Variants in CELF4 observed in about 807,000 individuals in gnomAD.
The protein encoded by CELF4 is CUG-BP- and ETR-3-like factor 4.
In CELF4, 18 loss-of-function variants were observed where a neutral mutation model predicts 59.9. That is an observed-to-expected ratio of 0.30 (90% CI 0.21 to 0.45). The LOEUF (loss-of-function observed/expected upper bound fraction) is 0.45. CELF4 is among the 20% of genes least tolerant of loss of function. The pLI is 1.00. For missense variants in CELF4, 456 were observed against 689.0 expected (o/e 0.66, Z 3.79); for synonymous variants, 261 against 267.1 (o/e 0.98, Z 0.22).
chr18:37,255,988 C>CA (rs57932389), intron 11 of CELF4, among the ~76,000 whole-genome samples: 6,090 of 152,318 alleles, frequency 0.04, 174 homozygotes, highest in East Asian at 0.11. Context: ...AGTTGAGAAG[C>CA]AGTCCAGGGT....
intron 1 of CELF4, among the ~76,000 whole-genome samples, chr18:37,537,264 G>A (rs2154605300): frequency 6.6e-6 from 1 of 152,288 alleles, no homozygotes; most frequent in South Asian, 2.1e-4. Context: ...AGAGCAGGAA[G>A]AAGAAAAATC....
chr18:37,548,441 G>T (rs976398757), intron 1 of CELF4, among the ~76,000 whole-genome samples: 3 of 152,082 alleles, frequency 2.0e-5, no homozygotes, highest in African/African-American at 7.2e-5. Context: ...TTTGTCACGA[G>T]GATGTAATGA....
At chr18:37,527,442 G>T (rs1272928172) in intron 1 of CELF4, among the ~76,000 whole-genome samples, 1 of 152,150 alleles carries the variant, frequency 6.6e-6, no homozygotes, top group Non-Finnish European at 1.5e-5. Context: ...TTTCCAAGAA[G>T]TTGGGGTAAT....
chr18:37,270,720 A>G (rs2090752471), intron 8 of CELF4, 48 bp downstream of exon 8: 1 of 1,609,528 alleles, frequency 6.2e-7, no homozygotes, highest in African/African-American at 1.3e-5. Context: ...GACAGCATGG[A>G]TAAAGAATGT....
At chr18:37,524,334 G>A (rs897720785) in intron 1 of CELF4, among the ~76,000 whole-genome samples, 6 of 152,302 alleles carry the variant, frequency 3.9e-5, no homozygotes, top group East Asian at 1.9e-4. Flanking sequence ...GAAAATGGCC[G>A]ATTTCAGATG....
At chr18:37,513,124 A>G (rs2099946443) in intron 1 of CELF4, among the ~76,000 whole-genome samples, 1 of 152,258 alleles carries the variant, frequency 6.6e-6, no homozygotes, top group East Asian at 1.9e-4. Context: ...GCATCCACCA[A>G]CCACCTGGTC....
chr18:37,553,056 T>C (rs994028882), intron 1 of CELF4, among the ~76,000 whole-genome samples: 1 of 152,264 alleles, frequency 6.6e-6, no homozygotes, highest in Non-Finnish European at 1.5e-5. Context: ...TCGCCGTTTG[T>C]TCCTCATTCC....
At chr18:37,461,638 G>A (rs1372835210) in intron 2 of CELF4, among the ~76,000 whole-genome samples, 1 of 152,226 alleles carries the variant, frequency 6.6e-6, no homozygotes, top group Non-Finnish European at 1.5e-5. Flanking sequence ...TAGTGCTGGT[G>A]AAAGGAGGCA....
chr18:37,377,148 AG>A (rs1223653696), intron 2 of CELF4, among the ~76,000 whole-genome samples: 2 of 152,176 alleles, frequency 1.3e-5, no homozygotes, highest in Non-Finnish European at 2.9e-5. Flanking sequence ...AGGAGAAAAA[AG>A]GGAGAAGGGA....
chr18:37,323,417 GAGA>G (rs781619281), intron 2 of CELF4, among the ~76,000 whole-genome samples: 38 of 152,202 alleles, frequency 2.5e-4, no homozygotes, highest in East Asian at 1.9e-4. Flanking sequence ...CAATCACAGG[GAGA>G]AGAAGGAGGA....
In CELF4 at chr18:37,375,614, G is replaced by T. The variant is rs189252529; in HGVS notation, c.370-53733C>A. 1.7e-4 allele frequency among the ~76,000 whole-genome samples: 26 copies of T among 152,270 alleles called. No individual in the cohort carries two copies. The East Asian group carries it at 4.8e-3, about 28-fold the overall frequency. On this transcript the variant is annotated intron_variant, in intron 2 of 12. Coordinates refer to ENST00000420428, the MANE Select transcript of CELF4 (RefSeq NM_020180.4). Reference sequence around the variant, plus strand: ...CCAGACTGCAGAGAGGGAAACTGAGGCCCAGAGAAGGAAGAGGCTTCCCTA... The same window carrying T: ...CCAGACTGCAGAGAGGGAAACTGAGTCCCAGAGAAGGAAGAGGCTTCCCTA...
intron 3 of CELF4, among the ~76,000 whole-genome samples, chr18:37,310,282 A>G (rs1415597288): frequency 6.6e-6 from 1 of 152,230 alleles, no homozygotes; most frequent in Admixed American, 6.5e-5. Flanking sequence ...AAGCCCAGCC[A>G]GGTCCCTGCT....
intron 2 of CELF4, among the ~76,000 whole-genome samples, chr18:37,360,501 G>T (rs975217419): frequency 1.3e-5 from 2 of 152,252 alleles, no homozygotes; most frequent in South Asian, 4.2e-4. Context: ...CTCCCTTCTC[G>T]CCCTTCACAT....
chr18:37,260,160 G>C (rs1173266587), intron 10 of CELF4, among the ~76,000 whole-genome samples: 1 of 152,186 alleles, frequency 6.6e-6, no homozygotes, highest in Non-Finnish European at 1.5e-5. Flanking sequence ...GAGGGGCCTG[G>C]AGCCAGGACA....
At chr18:37,259,681 C>T (rs2073051871) in intron 10 of CELF4, among the ~76,000 whole-genome samples, 3 of 152,164 alleles carry the variant, frequency 2.0e-5, no homozygotes, top group African/African-American at 7.2e-5. Flanking sequence ...AGGGCATCCC[C>T]TGGGGCAGCC....
intron 3 of CELF4, among the ~76,000 whole-genome samples, chr18:37,296,615 C>T (rs1256798119): frequency 6.6e-6 from 1 of 152,214 alleles, no homozygotes; most frequent in Non-Finnish European, 1.5e-5. Context: ...CATGCAACTC[C>T]GGCCTTGTCC....
rs1386601529 is a variant in CELF4 at position 37,565,397 on chromosome 18, T to C, written c.245A>G (p.Glu82Gly). ...PLFEEFGKIYELTVLKDRFTG... is the reference protein window; with the variant it reads ...PLFEEFGKIYGLTVLKDRFTG... ...GAACCTGTCCTTCAGAACCGTAAGC[T>C]CGTAGATTTTGCCAAACTCCTCGAA... Residue 82 changes from glutamate (E) to glycine (G), a missense_variant, in exon 1 of 13, where the codon GAG (glutamate) becomes GGG (glycine). Physicochemically the swap from Glu to Gly is moderately conservative, Grantham distance 98 (BLOSUM62 -2). Around this residue, in one of 7 missense-constraint regions of CELF4, gnomAD observed 63 missense variants for 110.6 expected, o/e 0.57. Transcript: ENST00000420428. 1 of 1,608,562 alleles carries C rather than the reference T, an allele frequency of 6.2e-7. No homozygotes were observed. Among genetic ancestry groups the C allele is most frequent in the Non-Finnish European group, 8.5e-7 (1 of 1,176,898 alleles).
chr18:37,406,453 C>A (rs1167388344), intron 2 of CELF4, among the ~76,000 whole-genome samples: 1 of 152,160 alleles, frequency 6.6e-6, no homozygotes, highest in East Asian at 1.9e-4. Flanking sequence ...GACGGTCCTG[C>A]GCTATGGGCT....
At position 37,279,035 on chromosome 18, in the gene CELF4, C is replaced by T. The variant is rs957454561; in HGVS notation, c.449-3792G>A. ...TGTTTCCCCAGCCCGTGCCCACCCT[C>T]CTCCTCCATCCACACAGCCCCTGAC... is the stretch of plus-strand genomic sequence containing the variant. On this transcript the variant is annotated intron_variant, in intron 3 of 12. Coordinates refer to ENST00000420428, the MANE Select transcript of CELF4 (RefSeq NM_020180.4). Among the ~76,000 whole-genome samples the T allele has an allele frequency of 3.9e-5, 6 of 152,134 alleles. 1 individual carries two copies. The highest frequency in any genetic ancestry group is 7.4e-5 in the Non-Finnish European group (5 of 68,026).
Sources: allele counts gnomAD v4.1 joint callset (sites outside exome capture counted in the v4.1 genomes callset), GRCh38; gene constraint gnomAD v4.1.1; regional missense constraint gnomAD v4.1.1; transcripts MANE v1.5; gene names NCBI Gene and HGNC (gene_info 2026-07-23, HGNC 2026-07-21).